EIF3F: variants seen among roughly 807,000 people sequenced by gnomAD.
EIF3F encodes eukaryotic translation initiation factor 3 subunit F, also known as deubiquitinating enzyme eIF3f.
EIF3F carries 8 observed loss-of-function variants against 36.0 expected under a neutral mutation model. That is an observed-to-expected ratio of 0.22 (90% CI 0.13 to 0.40). EIF3F has a LOEUF of 0.40. Among genes scored for constraint, EIF3F ranks in the 10% least tolerant of loss-of-function variants. The pLI, the probability that EIF3F is intolerant of heterozygous loss-of-function variation, is 1.00. For missense variants in EIF3F, 430 were observed against 467.6 expected (o/e 0.92, Z 0.74); for synonymous variants, 184 against 188.5 (o/e 0.98, Z 0.19).
rs1942201561 is a variant in EIF3F, at chr11:7,999,903, A to G, written c.*3881A>G. ...CGCCAAGACATCAACCTAAGTGTCCATCAACAGAAGATAGATAGGGCTGAG... is the reference window on the plus strand; with the variant it reads ...CGCCAAGACATCAACCTAAGTGTCCGTCAACAGAAGATAGATAGGGCTGAG... On this transcript the variant is annotated 3_prime_UTR_variant, in exon 8 of 8. Transcript: ENST00000651655. 1 of 152,246 alleles carries G rather than the reference A, an allele frequency of 6.6e-6. No homozygotes were observed. The highest frequency in any genetic ancestry group is 1.5e-5 in the Non-Finnish European group (1 of 68,052). 9.4% of individuals were successfully genotyped at this position (152,246 alleles called of 1,614,324 possible).
intron 1 of EIF3F, among the ~76,000 whole-genome samples, chr11:7,988,754 T>C (rs1942056981): frequency 6.6e-6 from 1 of 152,220 alleles, no homozygotes; most frequent in Non-Finnish European, 1.5e-5. Context: ...ACATTTGCCA[T>C]GTGACTTGGG....
rs991473589 is a variant in EIF3F at position 7,997,778 on chromosome 11, A to G, written c.*1756A>G. The G allele has an allele frequency of 6.6e-6, 1 of 152,228 alleles. No individual in the cohort carries two copies. The highest frequency in any genetic ancestry group is 2.4e-5 in the African/African-American group (1 of 41,466). 9.4% of individuals were successfully genotyped at this position (152,228 alleles called of 1,614,324 possible). The stretch of plus-strand genomic sequence containing the variant: ...TTTAGACATGCGGTTGGCTGTCTGT[A>G]TATGTGGGTTCCACATCTATGGACT... On this transcript the variant is annotated 3_prime_UTR_variant, in exon 8 of 8. Coordinates refer to ENST00000651655, the MANE Select transcript of EIF3F (RefSeq NM_003754.3).
At position 8,001,845 on chromosome 11, in the gene EIF3F, A is replaced by G. The variant is rs1340421291; in HGVS notation, c.*5823A>G. ...AAAAAATATATAAAAATATAAAAAC[A>G]TGAAAAACATGAAACAATACCTTAT... On this transcript the variant is annotated 3_prime_UTR_variant, in exon 8 of 8. Coordinates refer to ENST00000651655, the MANE Select transcript of EIF3F (RefSeq NM_003754.3). 3 of 152,158 alleles carry G rather than the reference A, an allele frequency of 2.0e-5. No homozygotes were observed. The highest frequency in any genetic ancestry group is 2.9e-5 in the Non-Finnish European group (2 of 68,034). The allele number at this position is 152,158 out of a possible 1,614,324, so 9.4% of individuals were successfully genotyped here. A position where few individuals can be genotyped will look rare whatever the true frequency, so the allele number is the denominator to read the frequency against.
intron 1 of EIF3F, among the ~76,000 whole-genome samples, chr11:7,989,546 T>C (rs1942068211): frequency 6.6e-6 from 1 of 152,234 alleles, no homozygotes. Context: ...TTGGTGCTTT[T>C]TTTGTACCAT....
intron 3 of EIF3F, chr11:7,992,386 G>A (rs772306592): frequency 3.5e-6 from 2 of 570,090 alleles, no homozygotes; most frequent in Non-Finnish European, 6.2e-6. Context: ...GAACAAAATA[G>A]TGAGACCCTG....
Position 7,987,340 on chromosome 11 carries a change from C to A in EIF3F, c.-13C>A. On this transcript the variant is annotated 5_prime_UTR_variant, in exon 1 of 8. Transcript: ENST00000651655. ...CTGTCATTTCCGCTTCCGCCTCCTTCTTTCTCGACAAGATGGCCACACCGG... is the reference window on the plus strand; with the variant it reads ...CTGTCATTTCCGCTTCCGCCTCCTTATTTCTCGACAAGATGGCCACACCGG... 6.3e-7 allele frequency: 1 copy of A among 1,588,434 alleles called. No homozygotes were observed. Among genetic ancestry groups the A allele is most frequent in the Non-Finnish European group, 8.5e-7 (1 of 1,173,554 alleles).
chr11:7,995,859 G>A, intron 7 of EIF3F, 86 bp from the exon 8 acceptor site: 1 of 1,027,876 alleles, frequency 9.7e-7, no homozygotes, highest in Non-Finnish European at 1.5e-6. Context: ...CTCATACCCA[G>A]TGTCTACCAT....
Position 7,987,464 on chromosome 11 carries a change from G to T in EIF3F, c.112G>T (p.Val38Phe). Residue 38 changes from valine to phenylalanine, a missense_variant, in exon 1 of 8, where the codon GTT (valine) becomes TTT (phenylalanine). This residue lies in a region of EIF3F where 168 missense variants were observed against 120.2 expected (regional missense o/e 1.40). Coordinates refer to ENST00000651655, the MANE Select transcript of EIF3F (RefSeq NM_003754.3). The stretch of plus-strand genomic sequence containing the variant: ...AACGCCAGCACCGGCTGCGGCTCCG[G>T]TTCCCGCTGCGGCTCCAGCCTCATC... Reference protein sequence around the residue: ...APTPAPAAAPVPAAAPASSSD... With the variant: ...APTPAPAAAPFPAAAPASSSD... The T allele has an allele frequency of 6.2e-7, 1 of 1,604,832 alleles. No individual in the cohort carries two copies. Among genetic ancestry groups the T allele is most frequent in the South Asian group, 1.1e-5 (1 of 90,810 alleles).
At chr11:7,994,908 C>T (rs900846659) in intron 5 of EIF3F, 74 bp from the exon 6 acceptor site, 5 of 1,582,202 alleles carry the variant, frequency 3.2e-6, no homozygotes, top group Non-Finnish European at 4.3e-6. Context: ...CCATCTCTTT[C>T]CTGGTGGGAT....
intron 1 of EIF3F, among the ~76,000 whole-genome samples, chr11:7,990,922 C>T (rs981059238): frequency 1.3e-5 from 2 of 151,212 alleles, no homozygotes; most frequent in East Asian, 2.0e-4. Context: ...AGCCTGGGCA[C>T]CATGGCTCAC....
intron 7 of EIF3F, 189 bp downstream of exon 7, chr11:7,995,556 C>G: frequency 1.6e-6 from 1 of 616,120 alleles, no homozygotes; most frequent in Non-Finnish European, 2.9e-6. Flanking sequence ...GACTTCCTTC[C>G]TTCTCCCATG....
chr11:7,994,975 T>C lies in EIF3F; in HGVS notation c.746-7T>C. 1 of 1,611,680 alleles carries C rather than the reference T, an allele frequency of 6.2e-7. No individual in the cohort carries two copies. The highest frequency in any genetic ancestry group is 1.7e-5 in the Admixed American group (1 of 59,952). On this transcript the variant is annotated splice_polypyrimidine_tract_variant and splice_region_variant and intron_variant, in intron 5 of 7. Coordinates refer to ENST00000651655, the MANE Select transcript of EIF3F (RefSeq NM_003754.3). ...GCCGCTGCCACCCTGCCAACCAACT[T>C]CCATAGTTGACCTGATCATGAAGAC...
intron 1 of EIF3F, among the ~76,000 whole-genome samples, chr11:7,990,694 G>T (rs910164842): frequency 9.2e-5 from 14 of 152,192 alleles, no homozygotes; most frequent in Non-Finnish European, 7.4e-5. Context: ...TCAGTGAAGG[G>T]AGCAGAAACC....
At position 8,000,852 on chromosome 11, in the gene EIF3F, G is replaced by A. The variant is rs1004541118; in HGVS notation, c.*4830G>A. On this transcript the variant is annotated 3_prime_UTR_variant, in exon 8 of 8. Transcript: ENST00000651655. ...AATATGAGGGAAAAAACACAGCAAT[G>A]TGTTTTTAATGATTTATGAGTGAGG... 1 of 152,118 alleles carries A rather than the reference G, an allele frequency of 6.6e-6. No individual in the cohort carries two copies. The highest frequency in any genetic ancestry group is 1.5e-5 in the Non-Finnish European group (1 of 68,018). 9.4% of individuals were successfully genotyped at this position (152,118 alleles called of 1,614,324 possible).
intron 7 of EIF3F, 97 bp downstream of exon 7, chr11:7,995,464 T>A: frequency 9.9e-7 from 1 of 1,014,768 alleles, no homozygotes; most frequent in East Asian, 2.4e-5. Context: ...TGACCTGGAG[T>A]AGGATAGAGA....
At chr11:7,994,716 A>C in intron 5 of EIF3F, 199 bp downstream of exon 5, 1 of 686,930 alleles carries the variant, frequency 1.5e-6, no homozygotes, top group South Asian at 2.0e-5. Context: ...AAAGGTGGGA[A>C]ATGATCAGCA....
rs1258645914 is a variant in EIF3F at position 7,998,766 on chromosome 11, G to A, written c.*2744G>A. 1 of 152,174 alleles carries A rather than the reference G, an allele frequency of 6.6e-6. No homozygotes were observed. The highest frequency in any genetic ancestry group is 1.5e-5 in the Non-Finnish European group (1 of 68,048). The allele number at this position is 152,174 out of a possible 1,614,324, so 9.4% of individuals were successfully genotyped here. On this transcript the variant is annotated 3_prime_UTR_variant, in exon 8 of 8. Coordinates refer to ENST00000651655, the MANE Select transcript of EIF3F (RefSeq NM_003754.3). ...ATTCCCAATAATGTTTACTTTGGTG[G>A]TGAGAAGAGGATGGCAAGTAAAATA...
Position 7,998,104 on chromosome 11 carries a change from A to G in EIF3F, c.*2082A>G, listed in dbSNP as rs1217580424. ...TGACTGTGTGTGTATATATATATGT[A>G]TAGTCTGTTCTCATTATCTATAGTA... On this transcript the variant is annotated 3_prime_UTR_variant, in exon 8 of 8. Transcript: ENST00000651655. 1.3e-5 allele frequency: 2 copies of G among 151,910 alleles called. No homozygotes were observed. The highest frequency in any genetic ancestry group is 4.9e-5 in the African/African-American group (2 of 41,196). 9.4% of individuals were successfully genotyped at this position (151,910 alleles called of 1,614,324 possible). A position where few individuals can be genotyped will look rare whatever the true frequency, so the allele number is the denominator to read the frequency against.
At chr11:7,989,126 T>C (rs1035086770) in intron 1 of EIF3F, among the ~76,000 whole-genome samples, 3 of 152,184 alleles carry the variant, frequency 2.0e-5, no homozygotes, top group Non-Finnish European at 2.9e-5. Flanking sequence ...CTCCATCCCA[T>C]ACCCGGACCC....
Sources: gnomAD v4.1 joint callset for allele counts (sites outside exome capture counted in the v4.1 genomes callset) on GRCh38, gnomAD v4.1.1 for gene constraint, gnomAD v4.1.1 regional missense constraint, MANE v1.5 for transcripts, NCBI Gene and HGNC (gene_info 2026-07-23, HGNC 2026-07-21) for gene names.